Variants in GPA33 observed in about 807,000 individuals in gnomAD.
The protein encoded by GPA33 is cell surface A33 antigen.
A neutral mutation model predicts 35.6 loss-of-function variants in GPA33; 27 were observed. That is an observed-to-expected ratio of 0.76 (90% confidence interval 0.56 to 1.04). The LOEUF (loss-of-function observed/expected upper bound fraction) is 1.04. GPA33 is among the 50% of genes least tolerant of loss of function. The probability of loss-of-function intolerance (pLI) is 0.00; values close to 1 mark genes in which losing one functional copy is unlikely to be tolerated. For synonymous variants in GPA33, 176 were observed against 164.0 expected (o/e 1.07, Z -0.56); for missense variants, 428 against 411.9 (o/e 1.04, Z -0.34).
intron 1 of GPA33, among the ~76,000 whole-genome samples, chr1:167,088,446 C>T (rs1025300811): frequency 6.6e-6 from 1 of 152,198 alleles, no homozygotes; most frequent in East Asian, 1.9e-4. Context: ...GCCCCTTCTT[C>T]CTCTTAATGT....
intron 2 of GPA33, among the ~76,000 whole-genome samples, chr1:167,070,420 A>C (rs1223232953): frequency 6.6e-6 from 1 of 152,168 alleles, no homozygotes; most frequent in East Asian, 1.9e-4. Flanking sequence ...ATATGATTAC[A>C]CTCATTTTAC....
chr1:167,084,970 G>A (rs1384402116), intron 1 of GPA33, among the ~76,000 whole-genome samples: 5 of 152,220 alleles, frequency 3.3e-5, no homozygotes, highest in African/African-American at 1.2e-4. Context: ...CACTGGGAAA[G>A]ACCCAGGTTT....
chr1:167,063,342 G>T (rs1402774755), intron 4 of GPA33, among the ~76,000 whole-genome samples: 4 of 152,224 alleles, frequency 2.6e-5, no homozygotes, highest in Non-Finnish European at 5.9e-5. Context: ...CTGGGAGGAG[G>T]AGGTTGCAGT....
At chr1:167,068,827 G>T in intron 3 of GPA33, 95 bp downstream of exon 3, 1 of 852,782 alleles carries the variant, frequency 1.2e-6, no homozygotes, top group Non-Finnish European at 1.9e-6. Flanking sequence ...CCTTGTTGCT[G>T]CCTCTGGCTT....
At chr1:167,063,280 G>A (rs991970408) in intron 4 of GPA33, among the ~76,000 whole-genome samples, 1 of 152,118 alleles carries the variant, frequency 6.6e-6, no homozygotes, top group African/African-American at 2.4e-5. Context: ...ATAGTGGTGG[G>A]CACCTGTAAT....
intron 2 of GPA33, among the ~76,000 whole-genome samples, chr1:167,070,364 G>A (rs1047201401): frequency 6.6e-6 from 1 of 152,110 alleles, no homozygotes; most frequent in African/African-American, 2.4e-5. Flanking sequence ...CTATGCACTT[G>A]GTATGTATTA....
chr1:167,062,011 C>G (rs771739591), intron 4 of GPA33, among the ~76,000 whole-genome samples: 1 of 152,030 alleles, frequency 6.6e-6, no homozygotes, highest in Non-Finnish European at 1.5e-5. Flanking sequence ...CTCATCCCCA[C>G]CCCCGGGGCA....
intron 4 of GPA33, among the ~76,000 whole-genome samples, chr1:167,061,696 A>G (rs1021100497): frequency 2.9e-5 from 4 of 138,038 alleles, no homozygotes; most frequent in Non-Finnish European, 1.5e-5. Flanking sequence ...TCCGCCTCCC[A>G]GGTTCACGCC....
intron 3 of GPA33, among the ~76,000 whole-genome samples, chr1:167,067,993 T>C (rs1236418189): frequency 2.0e-5 from 3 of 152,110 alleles, no homozygotes; most frequent in Admixed American, 1.3e-4. Context: ...ACAATGCGAG[T>C]TTGCATAGTT....
chr1:167,072,861 T>G (rs1332600811), intron 2 of GPA33, among the ~76,000 whole-genome samples: 2 of 147,934 alleles, frequency 1.4e-5, no homozygotes, highest in Non-Finnish European at 3.0e-5. Flanking sequence ...TGCCTGGGGG[T>G]GGAGGAAAGT....
chr1:167,067,413 T>TC (rs1666624915), intron 3 of GPA33, among the ~76,000 whole-genome samples: 4 of 152,176 alleles, frequency 2.6e-5, no homozygotes, highest in African/African-American at 9.7e-5. Flanking sequence ...TTCTTCTTTT[T>TC]TAAAAAAGTA....
At chr1:167,082,271 T>C in intron 1 of GPA33, 2 of 456,262 alleles carry the variant, frequency 4.4e-6, no homozygotes, top group Non-Finnish European at 4.4e-6. Context: ...CGTGGGGCAA[T>C]CTGAGATTTC....
At chr1:167,061,995 C>G (rs868792878) in intron 4 of GPA33, among the ~76,000 whole-genome samples, 6 of 151,926 alleles carry the variant, frequency 3.9e-5, no homozygotes, top group Non-Finnish European at 7.4e-5. Context: ...ATTCTTCCCC[C>G]GGGTCCTCAT....
chr1:167,059,245 G>T (rs1666378620), intron 4 of GPA33, among the ~76,000 whole-genome samples: 1 of 152,104 alleles, frequency 6.6e-6, no homozygotes, highest in African/African-American at 2.4e-5. Flanking sequence ...TTCCGAGTTG[G>T]GGCTCCCAAG....
In GPA33 at chr1:167,067,090, T is replaced by C. The variant is rs1183233206; in HGVS notation, c.415+1832A>G. On this transcript the variant is annotated intron_variant, in intron 3 of 6. Coordinates refer to ENST00000367868, the MANE Select transcript of GPA33 (RefSeq NM_005814.3). The stretch of plus-strand genomic sequence containing the variant: ...TTTATATGTATATAATTTAAACTTG[T>C]TTCTTCGAGTGCATTAAAAAAATGG... 2.0e-5 allele frequency among the ~76,000 whole-genome samples: 3 copies of C among 152,304 alleles called. No homozygotes were observed. The East Asian group carries it at 5.8e-4, about 29-fold the overall frequency.
intron 2 of GPA33, among the ~76,000 whole-genome samples, chr1:167,072,889 G>C (rs1035454828): frequency 6.6e-6 from 1 of 152,036 alleles, no homozygotes; most frequent in Non-Finnish European, 1.5e-5. Flanking sequence ...AGAGGATGAG[G>C]GTGTGGGAAG....
intron 6 of GPA33, among the ~76,000 whole-genome samples, 163 bp downstream of exon 6, chr1:167,054,813 G>A (rs1666199329): frequency 6.6e-6 from 1 of 152,180 alleles, no homozygotes; most frequent in Non-Finnish European, 1.5e-5. Context: ...TCCTGGGGCT[G>A]CAATGCACAT....
intron 1 of GPA33, chr1:167,082,419 G>A: frequency 2.4e-6 from 1 of 414,830 alleles, no homozygotes; most frequent in Non-Finnish European, 4.8e-6. Flanking sequence ...AACACTGGAA[G>A]ATGAGAAAGC....
chr1:167,057,653 C>A (rs1168975280), intron 4 of GPA33, among the ~76,000 whole-genome samples: 2 of 152,200 alleles, frequency 1.3e-5, no homozygotes, highest in Non-Finnish European at 2.9e-5. Context: ...TCCGCCCCAC[C>A]GTCACTTTCC....
Sources: gnomAD v4.1 joint callset for allele counts (sites outside exome capture counted in the v4.1 genomes callset) on GRCh38, gnomAD v4.1.1 for gene constraint, MANE v1.5 for transcripts, NCBI Gene and HGNC (gene_info 2026-07-23, HGNC 2026-07-21) for gene names.